The following GABRB1 variants were observed in gnomAD, a reference collection of about 807,000 sequenced individuals.
GABRB1 encodes gamma-aminobutyric acid receptor subunit beta-1.
In GABRB1, 17 loss-of-function variants were observed where a neutral mutation model predicts 51.6. The ratio of observed to expected loss-of-function variants is 0.33; its 90% CI spans 0.23 to 0.49. The LOEUF is 0.49. Among genes scored for constraint, GABRB1 ranks in the 20% least tolerant of loss-of-function variants. The pLI is 0.99. For missense variants in GABRB1, 410 were observed against 600.6 expected (o/e 0.68, Z 3.32); for synonymous variants, 247 against 218.9 (o/e 1.13, Z -1.14).
chr4:47,186,581 C>T (rs1405760363), intron 4 of GABRB1, among the ~76,000 whole-genome samples: 1 of 151,798 alleles, frequency 6.6e-6, no homozygotes, highest in Non-Finnish European at 1.5e-5. Context: ...GTTCATGTTT[C>T]TAACCAATTT....
intron 1 of GABRB1, among the ~76,000 whole-genome samples, chr4:47,010,155 T>G (rs868554566): frequency 2.6e-5 from 4 of 152,368 alleles, no homozygotes; most frequent in South Asian, 2.1e-4. Flanking sequence ...TGGCACACAC[T>G]GTCTTGTCCT....
At chr4:47,306,532 T>A (rs559450449) in intron 4 of GABRB1, among the ~76,000 whole-genome samples, 2 of 152,018 alleles carry the variant, frequency 1.3e-5, no homozygotes, top group African/African-American at 4.8e-5. Flanking sequence ...TATAGATTAA[T>A]CCAATACCAC....
At chr4:46,997,967 T>C (rs1163152747) in intron 1 of GABRB1, among the ~76,000 whole-genome samples, 2 of 152,200 alleles carry the variant, frequency 1.3e-5, no homozygotes, top group South Asian at 2.1e-4. Flanking sequence ...GGTCATCTGA[T>C]GGTGCTATGT....
intron 3 of GABRB1, among the ~76,000 whole-genome samples, chr4:47,045,464 A>G (rs1333665227): frequency 6.6e-6 from 1 of 151,652 alleles, no homozygotes; most frequent in Non-Finnish European, 1.5e-5. Flanking sequence ...CATCATCATC[A>G]TCATCATCAT....
At chr4:47,236,826 C>T (rs1481560076) in intron 4 of GABRB1, among the ~76,000 whole-genome samples, 1 of 152,028 alleles carries the variant, frequency 6.6e-6, no homozygotes, top group Non-Finnish European at 1.5e-5. Context: ...TTCTCTACCA[C>T]GATATCCAAA....
rs775121021 is a variant in GABRB1 at position 47,083,185 on chromosome 4, G to T, written c.240+50701G>T. ...ATAAATTTAGGAGACCTTTAGTCTT[G>T]TAATTGATGGGTTCTCAGTGATTTA... On this transcript the variant is annotated intron_variant, in intron 3 of 8. Coordinates refer to ENST00000295454, the MANE Select transcript of GABRB1 (RefSeq NM_000812.4). Among the ~76,000 whole-genome samples, 6 of 152,206 alleles carry T rather than the reference G, an allele frequency of 3.9e-5. No individual in the cohort carries two copies. In the South Asian group the frequency reaches 1.2e-3, roughly 32 times the overall value.
At chr4:47,268,461 C>A (rs982273752) in intron 4 of GABRB1, among the ~76,000 whole-genome samples, 1 of 152,018 alleles carries the variant, frequency 6.6e-6, no homozygotes, top group Non-Finnish European at 1.5e-5. Context: ...TCCTTAAAAT[C>A]TTTTAGTTTT....
chr4:47,039,533 T>C (rs1167023279), intron 3 of GABRB1, among the ~76,000 whole-genome samples: 1 of 152,070 alleles, frequency 6.6e-6, no homozygotes, highest in Non-Finnish European at 1.5e-5. Flanking sequence ...AACTGTGGAT[T>C]TGAAACATCC....
intron 3 of GABRB1, among the ~76,000 whole-genome samples, chr4:47,101,149 T>A (rs1053177117): frequency 6.6e-6 from 1 of 152,182 alleles, no homozygotes; most frequent in South Asian, 2.1e-4. Flanking sequence ...CTGTCTGCAC[T>A]CACATGTTTT....
At chr4:47,246,397 A>T (rs769929915) in intron 4 of GABRB1, among the ~76,000 whole-genome samples, 10 of 65,618 alleles carry the variant, frequency 1.5e-4, no homozygotes, top group East Asian at 6.4e-4. Context: ...TATATATATA[A>T]AATACCACAG....
chr4:47,349,349 G>A (rs1726223244), intron 5 of GABRB1, among the ~76,000 whole-genome samples: 1 of 152,138 alleles, frequency 6.6e-6, no homozygotes, highest in South Asian at 2.1e-4. Flanking sequence ...AACAGCCAGA[G>A]AAATGGGAGG....
intron 1 of GABRB1, among the ~76,000 whole-genome samples, chr4:47,007,581 T>C (rs1724445681): frequency 6.6e-6 from 1 of 152,200 alleles, no homozygotes; most frequent in African/African-American, 2.4e-5. Context: ...AAATGACATG[T>C]AACCTTATCT....
At chr4:47,170,960 T>A (rs912728329) in intron 4 of GABRB1, among the ~76,000 whole-genome samples, 1 of 152,196 alleles carries the variant, frequency 6.6e-6, no homozygotes, top group Non-Finnish European at 1.5e-5. Context: ...TCAAAGTTTT[T>A]ATTTTGATGT....
chr4:47,008,903 T>G (rs1228044454), intron 1 of GABRB1, among the ~76,000 whole-genome samples: 93 of 129,504 alleles, frequency 7.2e-4, no homozygotes, highest in Non-Finnish European at 1.1e-3. Context: ...TCGCTCTGTT[T>G]CCCAGGCTGG....
chr4:47,114,987 T>G (rs1472216472), intron 3 of GABRB1, among the ~76,000 whole-genome samples: 1 of 152,208 alleles, frequency 6.6e-6, no homozygotes, highest in African/African-American at 2.4e-5. Context: ...GACTGACTTC[T>G]CTTCTTTAAG....
At chr4:47,060,852 A>G (rs1726819563) in intron 3 of GABRB1, among the ~76,000 whole-genome samples, 1 of 152,208 alleles carries the variant, frequency 6.6e-6, no homozygotes, top group Non-Finnish European at 1.5e-5. Context: ...TCATTTCTTC[A>G]TTACATTATT....
chr4:47,055,648 G>C (rs998377086), intron 3 of GABRB1, among the ~76,000 whole-genome samples: 1 of 152,030 alleles, frequency 6.6e-6, no homozygotes, highest in African/African-American at 2.4e-5. Flanking sequence ...TTATTTCTAG[G>C]GCCCAAATGG....
At chr4:47,130,121 C>T (rs562674358) in intron 3 of GABRB1, among the ~76,000 whole-genome samples, 11 of 152,170 alleles carry the variant, frequency 7.2e-5, no homozygotes, top group African/African-American at 2.2e-4. Context: ...TTTGCTCCCC[C>T]ACATTTTCTC....
At chr4:47,386,787 A>G (rs1727808838) in intron 5 of GABRB1, among the ~76,000 whole-genome samples, 1 of 152,228 alleles carries the variant, frequency 6.6e-6, no homozygotes, top group Non-Finnish European at 1.5e-5. Flanking sequence ...CATTCTGGGC[A>G]ATATAGTAAC....
Sources: gnomAD v4.1 joint callset for allele counts (sites outside exome capture counted in the v4.1 genomes callset) on GRCh38, gnomAD v4.1.1 for gene constraint, MANE v1.5 for transcripts, NCBI Gene and HGNC (gene_info 2026-07-23, HGNC 2026-07-21) for gene names.